GABRB2: variants seen among roughly 807,000 people sequenced by gnomAD.
GABRB2 encodes gamma-aminobutyric acid type A receptor subunit beta2.
GABRB2 carries 16 observed loss-of-function variants against 54.7 expected under a neutral mutation model. That is an observed-to-expected ratio of 0.29 (90% confidence interval 0.20 to 0.44). The LOEUF is 0.44. Ranked by LOEUF, GABRB2 falls within the 20% of genes least tolerant of loss-of-function variation. The pLI, the probability that GABRB2 is intolerant of heterozygous loss-of-function variation, is 1.00. For synonymous variants in GABRB2, 244 were observed against 233.8 expected (o/e 1.04, Z -0.40); for missense variants, 355 against 644.0 (o/e 0.55, Z 4.86).
chr5:161,423,410 C>A (rs1030017229), intron 4 of GABRB2, among the ~76,000 whole-genome samples: 2 of 152,056 alleles, frequency 1.3e-5, no homozygotes, highest in Non-Finnish European at 2.9e-5. Flanking sequence ...TCTATTTGTT[C>A]CCATTTTCTT....
chr5:161,485,353 T>C (rs77485055), intron 3 of GABRB2, among the ~76,000 whole-genome samples: 2,063 of 152,086 alleles, frequency 0.014, 60 homozygotes, highest in African/African-American at 0.047. Flanking sequence ...TCAGCCTATA[T>C]TCCCAGTGCC....
chr5:161,463,551 TTATTTA>T (rs1405330202), intron 3 of GABRB2, among the ~76,000 whole-genome samples: 583 of 30,182 alleles, frequency 0.019, 6 homozygotes, highest in African/African-American at 0.03. Flanking sequence ...CCAAATATTT[TTATTTA>T]TATATATATA....
intron 4 of GABRB2, among the ~76,000 whole-genome samples, chr5:161,450,796 A>AT (rs1163914215): frequency 6.6e-6 from 1 of 152,162 alleles, no homozygotes; most frequent in Admixed American, 6.6e-5. Flanking sequence ...TGGAAAACAT[A>AT]TTTTTTAAAA....
chr5:161,359,281 T>C (rs1305742500), intron 5 of GABRB2, among the ~76,000 whole-genome samples: 2 of 152,198 alleles, frequency 1.3e-5, no homozygotes, highest in African/African-American at 2.4e-5. Flanking sequence ...CCTATGTCAT[T>C]TTCTTGTCCT....
chr5:161,463,320 CA>C (rs1758170556), intron 3 of GABRB2, among the ~76,000 whole-genome samples: 2 of 88,326 alleles, frequency 2.3e-5, no homozygotes, highest in African/African-American at 8.3e-5. Flanking sequence ...ACACACACCA[CA>C]CACACACACA....
intron 3 of GABRB2, among the ~76,000 whole-genome samples, chr5:161,527,933 T>G (rs1760334460): frequency 6.6e-6 from 1 of 151,574 alleles, no homozygotes; most frequent in Non-Finnish European, 1.5e-5. Flanking sequence ...TGTTCTGGGG[T>G]CCAGTAATCC....
Position 161,294,046 on chromosome 5 carries a change from G to T in GABRB2, c.*35C>A. ...CAGGCTGTACAACTGGTTTGAGGAG[G>T]AATCTAGTCCTTGCTTCCAGTGGGA... On this transcript the variant is annotated 3_prime_UTR_variant, in exon 10 of 10. Transcript: ENST00000393959. The T allele has an allele frequency of 1.3e-6, 2 of 1,507,858 alleles. No individual in the cohort carries two copies. The highest frequency in any genetic ancestry group is 1.2e-5 in the South Asian group (1 of 85,196). 93.4% of individuals were successfully genotyped at this position (1,507,858 alleles called of 1,614,324 possible). A position where few individuals can be genotyped will look rare whatever the true frequency, so the allele number is the denominator to read the frequency against.
At chr5:161,463,314 A>AC (rs1472508138) in intron 3 of GABRB2, among the ~76,000 whole-genome samples, 15 of 118,358 alleles carry the variant, frequency 1.3e-4, no homozygotes, top group East Asian at 4.9e-4. Context: ...ATGTACACAC[A>AC]CACCACACAC....
At chr5:161,297,715 C>T (rs1311254169) in intron 9 of GABRB2, among the ~76,000 whole-genome samples, 1 of 152,092 alleles carries the variant, frequency 6.6e-6, no homozygotes, top group Non-Finnish European at 1.5e-5. Flanking sequence ...CAATTCTTTG[C>T]TATTGTGAAT....
chr5:161,344,883 T>C (rs1488522111), intron 5 of GABRB2, among the ~76,000 whole-genome samples: 2 of 152,154 alleles, frequency 1.3e-5, no homozygotes, highest in East Asian at 1.9e-4. Context: ...GATGAGTTCA[T>C]GTCCTTTGCA....
At chr5:161,343,673 CACA>C (rs1437364285) in intron 5 of GABRB2, among the ~76,000 whole-genome samples, 2 of 151,878 alleles carry the variant, frequency 1.3e-5, no homozygotes, top group Admixed American at 6.6e-5. Context: ...ACAAAATAGC[CACA>C]ACAACAACAA....
At chr5:161,471,165 C>T (rs1758428800) in intron 3 of GABRB2, among the ~76,000 whole-genome samples, 1 of 151,962 alleles carries the variant, frequency 6.6e-6, no homozygotes. Flanking sequence ...GGTCCCACAG[C>T]TGGGAATAAG....
chr5:161,482,912 A>T (rs1038509984), intron 3 of GABRB2, among the ~76,000 whole-genome samples: 1 of 152,080 alleles, frequency 6.6e-6, no homozygotes, highest in Non-Finnish European at 1.5e-5. Flanking sequence ...AGGATTTTAC[A>T]TATCATCAGC....
chr5:161,310,108 A>C (rs932734737), intron 9 of GABRB2, among the ~76,000 whole-genome samples: 5 of 152,344 alleles, frequency 3.3e-5, no homozygotes, highest in Admixed American at 3.3e-4. Flanking sequence ...TGGTAGCTAA[A>C]TAATGAGAAC....
At chr5:161,500,859 GT>G (rs1350744487) in intron 3 of GABRB2, among the ~76,000 whole-genome samples, 17 of 151,646 alleles carry the variant, frequency 1.1e-4, no homozygotes, top group African/African-American at 3.9e-4. Context: ...TATACTTTAA[GT>G]TTTAGGGTAC....
rs1446888361 is a variant in GABRB2 at position 161,546,688 on chromosome 5, G to A, written c.-45C>T. 1 of 1,557,828 alleles carries A rather than the reference G, an allele frequency of 6.4e-7. No individual in the cohort carries two copies. ...ATTGAGGGTTTCACTGAAGAGAGGAGATCCAACTTAGTCTGCCCAGTGCAG... is the reference window on the plus strand; with the variant it reads ...ATTGAGGGTTTCACTGAAGAGAGGAAATCCAACTTAGTCTGCCCAGTGCAG... On this transcript the variant is annotated 5_prime_UTR_variant, in exon 1 of 10. Transcript: ENST00000393959.
At position 161,292,878 on chromosome 5, in the gene GABRB2, A is replaced by C. The variant is rs1355638078; in HGVS notation, c.*1203T>G. 6.6e-6 allele frequency: 1 copy of C among 152,220 alleles called. No individual in the cohort carries two copies. The highest frequency in any genetic ancestry group is 6.5e-5 in the Admixed American group (1 of 15,280). 9.4% of individuals were successfully genotyped at this position (152,220 alleles called of 1,614,324 possible). On this transcript the variant is annotated 3_prime_UTR_variant, in exon 10 of 10. Transcript: ENST00000393959. ...AGCCTTACTTTGCCAGTCTCCTAAG[A>C]ATATAATCAGAATTTTGGAAGCAAA...
At chr5:161,517,968 C>T (rs1193584234) in intron 3 of GABRB2, among the ~76,000 whole-genome samples, 1 of 151,958 alleles carries the variant, frequency 6.6e-6, no homozygotes, top group Non-Finnish European at 1.5e-5. Context: ...GCCACCACGC[C>T]CGGCTAATTT....
At chr5:161,442,796 G>A (rs944407212) in intron 4 of GABRB2, among the ~76,000 whole-genome samples, 1 of 151,448 alleles carries the variant, frequency 6.6e-6, no homozygotes, top group East Asian at 1.9e-4. Flanking sequence ...TCCCCTTCTA[G>A]CCCTGTGACA....
Sources: allele counts gnomAD v4.1 joint callset (sites outside exome capture counted in the v4.1 genomes callset), GRCh38; gene constraint gnomAD v4.1.1; transcripts MANE v1.5; gene names NCBI Gene and HGNC (gene_info 2026-07-23, HGNC 2026-07-21).